PCDHGA8: variants seen among roughly 807,000 people sequenced by gnomAD.
The protein encoded by PCDHGA8 is protocadherin gamma subfamily A, 8, also known as protocadherin gamma-A8.
A neutral mutation model predicts 59.2 loss-of-function variants in PCDHGA8; 45 were observed. That is an observed-to-expected ratio of 0.76 (90% CI 0.60 to 0.98). PCDHGA8 has a LOEUF of 0.98. PCDHGA8 is among the 50% of genes least tolerant of loss of function. PCDHGA8 has a pLI of 0.00. For missense variants in PCDHGA8, 1,257 were observed against 1,196.2 expected (o/e 1.05, Z -0.75); for synonymous variants, 531 against 519.0 (o/e 1.02, Z -0.32).
chr5:141,463,208 C>G (rs895284460), intron 1 of PCDHGA8, among the ~76,000 whole-genome samples: 1 of 152,090 alleles, frequency 6.6e-6, no homozygotes, highest in African/African-American at 2.4e-5. Flanking sequence ...CTTGGGGATC[C>G]ATATTAATAT....
intron 1 of PCDHGA8, among the ~76,000 whole-genome samples, chr5:141,429,564 C>A (rs995466828): frequency 2.0e-5 from 3 of 152,092 alleles, no homozygotes; most frequent in African/African-American, 7.2e-5. Flanking sequence ...TGATAATATT[C>A]AGTTACATTT....
intron 1 of PCDHGA8, among the ~76,000 whole-genome samples, chr5:141,456,544 G>C (rs1020609068): frequency 6.6e-6 from 1 of 152,192 alleles, no homozygotes; most frequent in Non-Finnish European, 1.5e-5. Context: ...AGGGATTGTA[G>C]CCACTCGGGG....
At chr5:141,413,257 T>A (rs777964429) in intron 1 of PCDHGA8, 1 of 1,613,836 alleles carries the variant, frequency 6.2e-7, no homozygotes, top group African/African-American at 1.3e-5. Flanking sequence ...CGGGATTCCA[T>A]GGGAGGCTGG....
rs755863653 is a variant in PCDHGA8 at position 141,422,228 on chromosome 5, TG to T, written c.2424+26992del. 2.3e-5 allele frequency: 36 copies of T among 1,565,448 alleles called. No individual in the cohort carries two copies. The Middle Eastern group carries it at 8.6e-4, about 37-fold the overall frequency. ...GGAGGTCTCTTTACCACCACGACGA[TG>T]TTGATCACTGTTGTGGATGTGAATG... On this transcript the variant is annotated intron_variant, in intron 1 of 3. Transcript: ENST00000398604.
At chr5:141,410,701 A>C in intron 1 of PCDHGA8, 2 of 1,471,660 alleles carry the variant, frequency 1.4e-6, no homozygotes, top group Non-Finnish European at 9.1e-7. Context: ...TTATTTTCAT[A>C]TCTAGAATCA....
At chr5:141,395,351 G>A (rs2093220052) in intron 1 of PCDHGA8, 114 bp downstream of exon 1, 1 of 1,366,364 alleles carries the variant, frequency 7.3e-7, no homozygotes, top group East Asian at 2.5e-5. Context: ...GTGTATCACA[G>A]AGTTTTGGGT....
chr5:141,416,452 A>T (rs2154546483), intron 1 of PCDHGA8: 1 of 152,342 alleles, frequency 6.6e-6, no homozygotes, highest in African/African-American at 2.4e-5. Flanking sequence ...ATGGGTTGGG[A>T]AGACAGATAA....
chr5:141,448,099 T>C (rs1002430560), intron 1 of PCDHGA8, among the ~76,000 whole-genome samples: 1 of 151,272 alleles, frequency 6.6e-6, no homozygotes, highest in African/African-American at 2.4e-5. Context: ...AAAAAAAAAA[T>C]TAAAAGAAAA....
rs2099068970 is a variant in PCDHGA8 at position 141,463,759 on chromosome 5, T to C, written c.2425-31048T>C. 2.0e-5 allele frequency among the ~76,000 whole-genome samples: 3 copies of C among 152,234 alleles called. No homozygotes were observed. The South Asian group carries it at 6.2e-4, about 32-fold the overall frequency. ...CCGCGCCCGGCCTGCTTCTCTTCTCTTATGGGTTAGAATCCTGCACTGTCT... is the reference window on the plus strand; with the variant it reads ...CCGCGCCCGGCCTGCTTCTCTTCTCCTATGGGTTAGAATCCTGCACTGTCT... On this transcript the variant is annotated intron_variant, in intron 1 of 3. Transcript: ENST00000398604.
chr5:141,433,164 A>G, intron 1 of PCDHGA8: 3 of 1,613,600 alleles, frequency 1.9e-6, no homozygotes, highest in Non-Finnish European at 2.5e-6. Context: ...TTTTCTAAAG[A>G]CAGTCATGGG....
At position 141,432,950 on chromosome 5, in the gene PCDHGA8, G is replaced by T. The variant is rs750033444; in HGVS notation, c.2424+37713G>T. ...ACGCCTGCTGCAGGCTTCAGGAGGCGGCTTGACAGGAGCGCCGGCGTCGCA... is the reference window on the plus strand; with the variant it reads ...ACGCCTGCTGCAGGCTTCAGGAGGCTGCTTGACAGGAGCGCCGGCGTCGCA... On this transcript the variant is annotated intron_variant, in intron 1 of 3. Coordinates refer to ENST00000398604, the MANE Select transcript of PCDHGA8 (RefSeq NM_032088.2). This position sits in a 1 kb window ranked among gnomAD's most constrained non-coding sequence, Gnocchi z 6.0. 6 of 1,614,072 alleles carry T rather than the reference G, an allele frequency of 3.7e-6. No individual in the cohort carries two copies. Among genetic ancestry groups the T allele is most frequent in the Admixed American group, 1.7e-5 (1 of 60,010 alleles).
intron 1 of PCDHGA8, chr5:141,427,676 T>G: frequency 1.2e-6 from 1 of 813,766 alleles, no homozygotes; most frequent in Non-Finnish European, 2.1e-6. Flanking sequence ...AAAACAACCT[T>G]CCCGGAGCCT....
At chr5:141,421,960 C>G in intron 1 of PCDHGA8, 3 of 1,612,526 alleles carry the variant, frequency 1.9e-6, no homozygotes, top group Non-Finnish European at 2.5e-6. Context: ...AATGTTTACA[C>G]AGTCCGTATA....
chr5:141,509,577 C>G (rs569743928), intron 3 of PCDHGA8, among the ~76,000 whole-genome samples: 2 of 152,320 alleles, frequency 1.3e-5, no homozygotes, highest in African/African-American at 2.4e-5. Context: ...ACAGTGCGTA[C>G]AAATCAGCTG....
At chr5:141,405,145 G>T (rs772542898) in intron 1 of PCDHGA8, 1 of 1,614,070 alleles carries the variant, frequency 6.2e-7, no homozygotes, top group Non-Finnish European at 8.5e-7. Context: ...CCAGTGATGG[G>T]TTGGCTGGTG....
Position 141,489,493 on chromosome 5 carries a change from G to A in PCDHGA8, c.2425-5314G>A, listed in dbSNP as rs1485293604. ...CCTGAGCTTGATGAGTGGTGCCCTG[G>A]CAGTGAATCAAAAGATTGACCGAGA... On this transcript the variant is annotated intron_variant, in intron 1 of 3. Coordinates refer to ENST00000398604, the MANE Select transcript of PCDHGA8 (RefSeq NM_032088.2). The surrounding 1 kb of genome is among the most constrained non-coding windows in gnomAD (Gnocchi z 4.5). The A allele has an allele frequency of 1.2e-6, 2 of 1,613,960 alleles. No homozygotes were observed. Among genetic ancestry groups the A allele is most frequent in the Non-Finnish European group, 1.7e-6 (2 of 1,180,038 alleles).
chr5:141,479,490 G>A (rs1334340000), intron 1 of PCDHGA8: 1 of 152,248 alleles, frequency 6.6e-6, no homozygotes, highest in Non-Finnish European at 1.5e-5. Context: ...AGGACCATCA[G>A]GTTGCCTAAA....
At chr5:141,422,597 C>T in intron 1 of PCDHGA8, 1 of 1,614,102 alleles carries the variant, frequency 6.2e-7, no homozygotes, top group Non-Finnish European at 8.5e-7. Context: ...CCTCACTCCT[C>T]TTACTCTGCC....
At position 141,491,369 on chromosome 5, in the gene PCDHGA8, CCTTT is replaced by C; in HGVS notation, c.2425-3435_2425-3432del. ...AGTCTCTTATCCCTAGTCACCTTCACCTTTCTGTCAGCGAAGTGCCTTCAGGGAA... is the reference window on the plus strand; with the variant it reads ...AGTCTCTTATCCCTAGTCACCTTCACCTGTCAGCGAAGTGCCTTCAGGGAA... On this transcript the variant is annotated intron_variant, in intron 1 of 3. Transcript: ENST00000398604. The surrounding 1 kb of genome is among the most constrained non-coding windows in gnomAD (Gnocchi z 6.9). 1 of 1,614,110 alleles carries C rather than the reference CCTTT, an allele frequency of 6.2e-7. No individual in the cohort carries two copies. Among genetic ancestry groups the C allele is most frequent in the Non-Finnish European group, 8.5e-7 (1 of 1,179,996 alleles).
Sources: gnomAD v4.1 joint callset for allele counts (sites outside exome capture counted in the v4.1 genomes callset) on GRCh38, gnomAD v4.1.1 for gene constraint, Gnocchi (gnomAD v3.1) non-coding constraint, MANE v1.5 for transcripts, NCBI Gene and HGNC (gene_info 2026-07-23, HGNC 2026-07-21) for gene names.